LSG1: variants seen among roughly 807,000 people sequenced by gnomAD.
The protein encoded by LSG1 is large 60S subunit nuclear export GTPase 1.
LSG1 carries 55 observed loss-of-function variants against 82.6 expected under a neutral mutation model. The ratio of observed to expected loss-of-function variants is 0.67; its 90% CI spans 0.54 to 0.83. The LOEUF (loss-of-function observed/expected upper bound fraction) is 0.83, where lower values mean the gene tolerates loss of function less well. LSG1 is among the 40% of genes least tolerant of loss of function. The probability of loss-of-function intolerance (pLI) is 0.00; values close to 1 mark genes in which losing one functional copy is unlikely to be tolerated. For missense variants in LSG1, 809 were observed against 807.9 expected, an observed-to-expected ratio of 1.00 and a Z score of -0.02; for synonymous variants, 272 against 282.5, an observed-to-expected ratio of 0.96 and a Z score of 0.37.
intron 11 of LSG1, among the ~76,000 whole-genome samples, chr3:194,647,016 A>G (rs1189719954): frequency 6.6e-6 from 1 of 152,260 alleles, no homozygotes; most frequent in Non-Finnish European, 1.5e-5. Flanking sequence ...ACACGGCTTC[A>G]GCAGACAGGC....
At chr3:194,671,396 G>A (rs898821) in intron 1 of LSG1, among the ~76,000 whole-genome samples, 98,070 of 152,032 alleles carry the variant, frequency 0.65, 32,388 homozygotes, top group East Asian at 0.87. Context: ...AGTGGCACAC[G>A]CTTACTTAGC....
At position 194,660,078 on chromosome 3, in the gene LSG1, C is replaced by A; in HGVS notation, c.577G>T (p.Asp193Tyr). 3 of 1,613,850 alleles carry A rather than the reference C, an allele frequency of 1.9e-6. No homozygotes were observed. Among genetic ancestry groups the A allele is most frequent in the Non-Finnish European group, 2.5e-6 (3 of 1,179,800 alleles). ...ARNPLLFRCE[D>Y]LECYVKEMDA... ...TTTTGTCAAACTTGACTTACCAAATCCTCACATCTAAACAGGAGTGGGTTT... is the reference window on the plus strand; with the variant it reads ...TTTTGTCAAACTTGACTTACCAAATACTCACATCTAAACAGGAGTGGGTTT... The change falls in exon 6 of 14, where the codon GAT (aspartate) becomes TAT (tyrosine). Residue 193 changes from aspartate (D) to tyrosine (Y), a missense_variant. Physicochemically the swap from Asp to Tyr is radical, Grantham distance 160. Transcript: ENST00000265245.
intron 10 of LSG1, 126 bp downstream of exon 10, chr3:194,650,755 T>C: frequency 1.1e-6 from 1 of 939,560 alleles, no homozygotes; most frequent in Admixed American, 2.7e-5. Context: ...TCTCACAGTA[T>C]AAACTTGTGC....
intron 13 of LSG1, among the ~76,000 whole-genome samples, 186 bp downstream of exon 13, chr3:194,644,387 T>TAA (rs1343493514): frequency 1.1e-4 from 6 of 56,058 alleles, no homozygotes; most frequent in Non-Finnish European, 1.9e-4. Flanking sequence ...AAAATAAAAA[T>TAA]AAATAAATAA....
intron 1 of LSG1, 57 bp from the exon 2 acceptor site, chr3:194,670,192 A>G: frequency 1.3e-6 from 2 of 1,597,890 alleles, no homozygotes; most frequent in Non-Finnish European, 1.7e-6. Context: ...TTGGCATCCA[A>G]TAAGCTCTAA....
chr3:194,654,271 G>A (rs1037929), intron 7 of LSG1, among the ~76,000 whole-genome samples: 47,725 of 151,930 alleles, frequency 0.31, 7,793 homozygotes, highest in Middle Eastern at 0.39. Context: ...AAAGTGAAAG[G>A]TACAAATCAT....
In LSG1 at chr3:194,665,547, G is replaced by A. The variant is rs1197880032; in HGVS notation, c.521+10C>T. On this transcript the variant is annotated intron_variant, in intron 5 of 13. Coordinates refer to ENST00000265245, the MANE Select transcript of LSG1 (RefSeq NM_018385.3). ...ATGTCTTTATTACACAAAAGAAAAT[G>A]ATAATTCACCTTCTCTCAATGACTC... 6.3e-7 allele frequency: 1 copy of A among 1,598,310 alleles called. No individual in the cohort carries two copies.
At chr3:194,652,641 T>C in intron 8 of LSG1, 88 bp downstream of exon 8, 2 of 1,414,626 alleles carry the variant, frequency 1.4e-6, no homozygotes, top group South Asian at 1.3e-5. Flanking sequence ...GCCGGAAGCC[T>C]GGTTGGTCTT....
intron 5 of LSG1, among the ~76,000 whole-genome samples, chr3:194,664,852 G>A (rs1268705183): frequency 2.0e-5 from 3 of 152,122 alleles, no homozygotes; most frequent in Admixed American, 1.3e-4. Flanking sequence ...CCCAGGAGGC[G>A]GAGGTTGTGG....
chr3:194,655,418 A>G (rs1303303115), intron 7 of LSG1, among the ~76,000 whole-genome samples: 4 of 152,134 alleles, frequency 2.6e-5, no homozygotes, highest in African/African-American at 9.7e-5. Flanking sequence ...TTAAAACTTC[A>G]CCAAGACATT....
chr3:194,648,944 TTAATC>T (rs1337924186), intron 10 of LSG1, 140 bp from the exon 11 acceptor site: 7 of 822,940 alleles, frequency 8.5e-6, no homozygotes, highest in Non-Finnish European at 1.3e-5. Flanking sequence ...TAGTTTTTGA[TTAATC>T]TAAAAAGACT....
At chr3:194,648,924 AG>A in intron 10 of LSG1, 120 bp from the exon 11 acceptor site, 1 of 976,308 alleles carries the variant, frequency 1.0e-6, no homozygotes, top group Non-Finnish European at 1.5e-6. Flanking sequence ...TCCTCTCCAA[AG>A]GAAGAGGATA....
rs1718521781 is a variant in LSG1, at chr3:194,645,555, C to CACAG, written c.1623+608_1623+609insCTGT. 4.5e-5 allele frequency among the ~76,000 whole-genome samples: 2 copies of CACAG among 44,498 alleles called. 1 individual carries two copies. Among genetic ancestry groups the CACAG allele is most frequent in the African/African-American group, 1.4e-4 (2 of 13,918 alleles). 29.2% of individuals were successfully genotyped at this position (44,498 alleles called of 152,430 possible). Reference sequence around the variant, plus strand: ...AGACAGACACACACACACACACACACACACACACACACACAGACAGACACA... The same window carrying CACAG: ...AGACAGACACACACACACACACACACACAGACACACACACACACAGACAGACACA... On this transcript the variant is annotated intron_variant, in intron 12 of 13. Transcript: ENST00000265245.
chr3:194,657,238 C>T (rs1718810374), intron 7 of LSG1, among the ~76,000 whole-genome samples: 1 of 149,434 alleles, frequency 6.7e-6, no homozygotes, highest in Non-Finnish European at 1.5e-5. Flanking sequence ...CACAAAAGAT[C>T]ACAGAGCTGT....
At chr3:194,644,412 A>AAATAAATAAATAAATAAATAAAT (rs1718473846) in intron 13 of LSG1, among the ~76,000 whole-genome samples, 161 bp downstream of exon 13, 2 of 149,612 alleles carry the variant, frequency 1.3e-5, no homozygotes. Context: ...ATAAATAAAT[A>AAATAAATAAATAAATAAATAAAT]AATAAATAAA....
intron 1 of LSG1, among the ~76,000 whole-genome samples, chr3:194,670,587 G>A (rs1181709759): frequency 2.0e-5 from 3 of 152,102 alleles, no homozygotes; most frequent in South Asian, 2.1e-4. Context: ...TTCAAGTACC[G>A]TTCAGTACAG....
At position 194,672,177 on chromosome 3, in the gene LSG1, T is replaced by A. The variant is rs768702750; in HGVS notation, c.-15A>T. On this transcript the variant is annotated 5_prime_UTR_variant, in exon 1 of 14. Coordinates refer to ENST00000265245, the MANE Select transcript of LSG1 (RefSeq NM_018385.3). ...CTCCGGCCCATGGCAACACGACCGC[T>A]GGACGAAGCTTCCCGGCTCGGCGCG... 1 of 1,577,604 alleles carries A rather than the reference T, an allele frequency of 6.3e-7. No homozygotes were observed.
chr3:194,664,037 A>C (rs1027476369), intron 5 of LSG1, among the ~76,000 whole-genome samples: 3 of 152,042 alleles, frequency 2.0e-5, no homozygotes, highest in Admixed American at 6.5e-5. Flanking sequence ...CAGTGGTGCG[A>C]TCTCGGCTCA....
chr3:194,654,004 A>C (rs1718741753), intron 7 of LSG1, among the ~76,000 whole-genome samples: 1 of 152,262 alleles, frequency 6.6e-6, no homozygotes, highest in African/African-American at 2.4e-5. Context: ...AAAACAAAGC[A>C]TTTCTCAGGA....
Sources: allele counts gnomAD v4.1 joint callset (sites outside exome capture counted in the v4.1 genomes callset), GRCh38; gene constraint gnomAD v4.1.1; transcripts MANE v1.5; gene names NCBI Gene and HGNC (gene_info 2026-07-23, HGNC 2026-07-21).